KCTD8: variants seen among roughly 807,000 people sequenced by gnomAD.
The protein encoded by KCTD8 is potassium channel tetramerization domain containing 8.
Under a neutral mutation model 31.5 loss-of-function variants are expected in KCTD8, and 27 were observed. That is an observed-to-expected ratio of 0.86 (90% CI 0.63 to 1.18). The LOEUF is 1.18. KCTD8 is among the 50% of genes most tolerant of loss of function. The pLI is 0.00. For synonymous variants in KCTD8, 290 were observed against 280.0 expected, an observed-to-expected ratio of 1.04 and a Z score of -0.36; for missense variants, 658 against 647.7, an observed-to-expected ratio of 1.02 and a Z score of -0.17.
intron 1 of KCTD8, among the ~76,000 whole-genome samples, chr4:44,205,306 A>G (rs1173491790): frequency 6.6e-6 from 1 of 152,232 alleles, no homozygotes; most frequent in Admixed American, 6.5e-5. Context: ...GGAAAGTTAC[A>G]TCAGTGAAGT....
chr4:44,209,318 A>G (rs575113906), intron 1 of KCTD8, among the ~76,000 whole-genome samples: 1 of 152,174 alleles, frequency 6.6e-6, no homozygotes, highest in Non-Finnish European at 1.5e-5. Context: ...CCTAGGACAT[A>G]TCAAGTTCAA....
chr4:44,268,072 C>T (rs1368099081), intron 1 of KCTD8, among the ~76,000 whole-genome samples: 5 of 152,156 alleles, frequency 3.3e-5, no homozygotes, highest in African/African-American at 1.2e-4. Flanking sequence ...ATTCCAAAGC[C>T]TGGCAGAGAC....
intron 1 of KCTD8, among the ~76,000 whole-genome samples, chr4:44,230,159 G>A (rs1488375070): frequency 6.6e-6 from 1 of 152,094 alleles, no homozygotes; most frequent in Non-Finnish European, 1.5e-5. Flanking sequence ...GACCTGTACG[G>A]ATTCACCGCT....
At position 44,347,018 on chromosome 4, in the gene KCTD8, C is replaced by T. The variant is rs998077332; in HGVS notation, c.961+100545G>A. On this transcript the variant is annotated intron_variant, in intron 1 of 1. Transcript: ENST00000360029. Reference sequence around the variant, plus strand: ...CTTCAGATTGAGGTACTCCAAGACACGTTATATTGAATGATACTATGGCCC... The same window carrying T: ...CTTCAGATTGAGGTACTCCAAGACATGTTATATTGAATGATACTATGGCCC... Among the ~76,000 whole-genome samples, 5 of 152,204 alleles carry T rather than the reference C, an allele frequency of 3.3e-5. No individual in the cohort carries two copies. In the East Asian group the frequency reaches 5.8e-4, roughly 18 times the overall value.
At chr4:44,266,451 A>G (rs1464314530) in intron 1 of KCTD8, among the ~76,000 whole-genome samples, 1 of 152,264 alleles carries the variant, frequency 6.6e-6, no homozygotes, top group Non-Finnish European at 1.5e-5. Context: ...GCCAAAATGT[A>G]AAGATCATCG....
chr4:44,447,116 T>A (rs1252078351), intron 1 of KCTD8, among the ~76,000 whole-genome samples: 1 of 152,194 alleles, frequency 6.6e-6, no homozygotes, highest in African/African-American at 2.4e-5. Context: ...TGCCTTGTTA[T>A]GGCATCCTGC....
At chr4:44,316,931 T>C (rs1272090918) in intron 1 of KCTD8, among the ~76,000 whole-genome samples, 1 of 149,766 alleles carries the variant, frequency 6.7e-6, no homozygotes, top group Non-Finnish European at 1.5e-5. Flanking sequence ...TGAGCCGAGA[T>C]AGTGCCACTG....
chr4:44,214,768 A>G (rs1714600388), intron 1 of KCTD8, among the ~76,000 whole-genome samples: 1 of 152,182 alleles, frequency 6.6e-6, no homozygotes, highest in South Asian at 2.1e-4. Context: ...CTTTCCCAAA[A>G]CAAACTGCCT....
chr4:44,174,180 A>C lies in KCTD8; in HGVS notation c.*610T>G, dbSNP rs1347893424. On this transcript the variant is annotated 3_prime_UTR_variant, in exon 2 of 2. Coordinates refer to ENST00000360029, the MANE Select transcript of KCTD8 (RefSeq NM_198353.3). Reference sequence around the variant, plus strand: ...CACAGATCCAGAACAAAGAAAATTCAATCTCCTAGACAGCTTACATTTATA... The same window carrying C: ...CACAGATCCAGAACAAAGAAAATTCCATCTCCTAGACAGCTTACATTTATA... 6.6e-6 allele frequency: 1 copy of C among 152,614 alleles called. No individual in the cohort carries two copies. Among genetic ancestry groups the C allele is most frequent in the Admixed American group, 6.5e-5 (1 of 15,282 alleles). 9.5% of individuals were successfully genotyped at this position (152,614 alleles called of 1,614,324 possible).
At chr4:44,360,311 G>T (rs1719462631) in intron 1 of KCTD8, among the ~76,000 whole-genome samples, 1 of 152,056 alleles carries the variant, frequency 6.6e-6, no homozygotes, top group South Asian at 2.1e-4. Context: ...AAGAAGTTAA[G>T]AAAAGCCTTG....
At chr4:44,330,565 C>A (rs577785466) in intron 1 of KCTD8, among the ~76,000 whole-genome samples, 1 of 151,864 alleles carries the variant, frequency 6.6e-6, no homozygotes, top group African/African-American at 2.4e-5. Context: ...ATGTGGGAAC[C>A]AGTTATGAAG....
At chr4:44,415,878 C>A (rs796797419) in intron 1 of KCTD8, among the ~76,000 whole-genome samples, 61 of 152,272 alleles carry the variant, frequency 4.0e-4, no homozygotes, top group African/African-American at 1.3e-3. Context: ...TGTGGGTGGA[C>A]CCACAGAGTC....
At chr4:44,446,754 T>G (rs1721948062) in intron 1 of KCTD8, among the ~76,000 whole-genome samples, 2 of 151,878 alleles carry the variant, frequency 1.3e-5, no homozygotes, top group African/African-American at 4.8e-5. Context: ...ACACAATCAT[T>G]CTCTCTTTCT....
intron 1 of KCTD8, among the ~76,000 whole-genome samples, chr4:44,243,438 A>G (rs1715562537): frequency 6.6e-6 from 1 of 152,220 alleles, no homozygotes; most frequent in South Asian, 2.1e-4. Context: ...GAATACTTCC[A>G]TTAATTCCTC....
At chr4:44,266,036 C>G (rs1237939668) in intron 1 of KCTD8, among the ~76,000 whole-genome samples, 8 of 152,000 alleles carry the variant, frequency 5.3e-5, no homozygotes, top group African/African-American at 1.7e-4. Flanking sequence ...TCAGGAAATA[C>G]AGAGAACGCC....
intron 1 of KCTD8, among the ~76,000 whole-genome samples, chr4:44,212,752 G>T (rs1714529047): frequency 6.6e-6 from 1 of 151,896 alleles, no homozygotes; most frequent in Non-Finnish European, 1.5e-5. Flanking sequence ...AGTAAACATT[G>T]TTTAGTTGGA....
chr4:44,299,537 T>C (rs1396015747), intron 1 of KCTD8, among the ~76,000 whole-genome samples: 2 of 152,086 alleles, frequency 1.3e-5, no homozygotes, highest in Non-Finnish European at 1.5e-5. Flanking sequence ...CAGAACATCC[T>C]GGCCAACATG....
chr4:44,283,028 A>T (rs764014859), intron 1 of KCTD8, among the ~76,000 whole-genome samples: 130 of 8,954 alleles, frequency 0.015, 1 homozygote, highest in Admixed American at 0.069. Context: ...AACACATTTT[A>T]TTATTATTAT....
At chr4:44,201,401 C>G (rs1177223340) in intron 1 of KCTD8, among the ~76,000 whole-genome samples, 1 of 152,062 alleles carries the variant, frequency 6.6e-6, no homozygotes, top group Non-Finnish European at 1.5e-5. Context: ...TACCCATTTT[C>G]AAAGTATACC....
Sources: allele counts gnomAD v4.1 joint callset (sites outside exome capture counted in the v4.1 genomes callset), GRCh38; gene constraint gnomAD v4.1.1; transcripts MANE v1.5; gene names NCBI Gene and HGNC (gene_info 2026-07-23, HGNC 2026-07-21).